TLE3: variants seen among roughly 807,000 people sequenced by gnomAD.
The protein encoded by TLE3 is TLE family member 3, transcriptional corepressor.
In TLE3, 14 loss-of-function variants were observed where a neutral mutation model predicts 93.0. The observed-to-expected ratio is 0.15, with a 90% CI of 0.10 to 0.24. The LOEUF (loss-of-function observed/expected upper bound fraction) is 0.24. TLE3 is among the 10% of genes least tolerant of loss of function. The pLI is 1.00. For missense variants in TLE3, 693 were observed against 1,046.6 expected, an observed-to-expected ratio of 0.66 and a Z score of 4.66; for synonymous variants, 451 against 425.0, an observed-to-expected ratio of 1.06 and a Z score of -0.75.
At position 70,050,164 on chromosome 15, in the gene TLE3, G is replaced by A. The variant is rs780171986; in HGVS notation, c.2243C>T (p.Ala748Val). ...SSSVLSCDISADDKYIVTGSG... is the reference protein window; with the variant it reads ...SSSVLSCDISVDDKYIVTGSG... ...GCCTGTTACAATGTATTTGTCATCC[G>A]CTGAAATGTCACAACTCAAGACAGA... The change falls in exon 20 of 20, where the codon GCG becomes GTG. Residue 748 changes from alanine (A) to valine (V), a missense_variant. Physicochemically the swap from Ala to Val is moderately conservative, Grantham distance 64. Coordinates refer to ENST00000451782, the MANE Select transcript of TLE3 (RefSeq NM_001105192.3). The A allele has an allele frequency of 1.4e-5, 23 of 1,613,954 alleles. No homozygotes were observed. The Middle Eastern group carries it at 6.6e-4, about 46-fold the overall frequency.
At chr15:70,081,192 T>C (rs1311740330) in intron 4 of TLE3, among the ~76,000 whole-genome samples, 3 of 152,238 alleles carry the variant, frequency 2.0e-5, no homozygotes, top group Non-Finnish European at 2.9e-5. Context: ...AATTTCGTTG[T>C]CTGCAAAATG....
chr15:70,081,079 G>A (rs1358680074), intron 4 of TLE3, among the ~76,000 whole-genome samples: 1 of 152,186 alleles, frequency 6.6e-6, no homozygotes, highest in Non-Finnish European at 1.5e-5. Flanking sequence ...CAAAGAGTGT[G>A]TTATGCTCCA....
In TLE3 at chr15:70,054,653, C is replaced by G. The variant is rs1439742740; in HGVS notation, c.1611G>C (p.Leu537=). The G allele has an allele frequency of 6.2e-7, 1 of 1,605,166 alleles. No individual in the cohort carries two copies. Among genetic ancestry groups the G allele is most frequent in the Non-Finnish European group, 8.5e-7 (1 of 1,173,890 alleles). The change falls in exon 16 of 20, where the codon CTG becomes CTC. Residue 537 remains leucine, a synonymous_variant. Coordinates refer to ENST00000451782, the MANE Select transcript of TLE3 (RefSeq NM_001105192.3). ...NRDNYIRSCK[L]LPDGRTLIVG... Reference sequence around the variant, plus strand: ...CGATGAGCGTGCGCCCATCAGGGAGCAGCTTGCAGGAGCGGATGTAATTGT... The same window carrying G: ...CGATGAGCGTGCGCCCATCAGGGAGGAGCTTGCAGGAGCGGATGTAATTGT...
At position 70,060,313 on chromosome 15, in the gene TLE3, C is replaced by T. The variant is rs541092527; in HGVS notation, c.714+217G>A. Among the ~76,000 whole-genome samples, 23 of 152,312 alleles carry T rather than the reference C, an allele frequency of 1.5e-4. 2 individuals are homozygous for T. In the South Asian group the frequency reaches 4.4e-3, roughly 29 times the overall value. ...AGGCTAGGACGACCTCCCCATCCAC[C>T]TCCGCCCCACAGTGGCTCGCATGCT... On this transcript the variant is annotated intron_variant, in intron 9 of 19. Transcript: ENST00000451782.
At chr15:70,054,285 G>A (rs532829329) in intron 16 of TLE3, 153 bp downstream of exon 16, 2 of 1,104,148 alleles carry the variant, frequency 1.8e-6, no homozygotes, top group African/African-American at 3.1e-5. Context: ...AAGGCAGGCG[G>A]AGCTGTCTTT....
chr15:70,062,419 G>A (rs913664540), intron 8 of TLE3, among the ~76,000 whole-genome samples: 2 of 152,292 alleles, frequency 1.3e-5, no homozygotes, highest in South Asian at 2.1e-4. Context: ...GTTTCTCCTC[G>A]CGACCCGGTG....
At position 70,096,169 on chromosome 15, in the gene TLE3, C is replaced by G. The variant is rs919278878; in HGVS notation, c.117G>C (p.Gln39His). The G allele has an allele frequency of 6.4e-7, 1 of 1,556,448 alleles. No homozygotes were observed. The highest frequency in any genetic ancestry group is 1.9e-5 in the Admixed American group (1 of 51,750). The part of the protein sequence containing the change: ...IKDEFQFLQA[Q>H]YHSLKVEYDK... Reference sequence around the variant, plus strand: ...GCCCCCACCGGCCTTACCTGTGATACTGAGCTTGCAGGAACTGGAATTCGT... The same window carrying G: ...GCCCCCACCGGCCTTACCTGTGATAGTGAGCTTGCAGGAACTGGAATTCGT... Residue 39 changes from glutamine to histidine, a missense_variant, in exon 2 of 20, where the codon CAG (glutamine) becomes CAC (histidine). By Grantham distance (24) the Gln-to-His change is conservative. This residue lies in a region of TLE3 where 104 missense variants were observed against 173.8 expected (regional missense o/e 0.60). Coordinates refer to ENST00000451782, the MANE Select transcript of TLE3 (RefSeq NM_001105192.3).
chr15:70,061,041 T>G (rs1036858342), intron 8 of TLE3, among the ~76,000 whole-genome samples: 14 of 152,258 alleles, frequency 9.2e-5, no homozygotes, highest in African/African-American at 3.4e-4. Context: ...TAAGTGGAAT[T>G]TGCACTGAGT....
Position 70,050,004 on chromosome 15 carries a change from C to T in TLE3, c.*93G>A. 3 of 1,070,414 alleles carry T rather than the reference C, an allele frequency of 2.8e-6. No homozygotes were observed. The highest frequency in any genetic ancestry group is 3.6e-5 in the Admixed American group (2 of 55,692). 66.3% of individuals were successfully genotyped at this position (1,070,414 alleles called of 1,614,324 possible). Reference sequence around the variant, plus strand: ...AACGCTCGGCTGCCTGCGGCCCATCCTCCGCCATCCTCGGGGCCCCTCGCC... The same window carrying T: ...AACGCTCGGCTGCCTGCGGCCCATCTTCCGCCATCCTCGGGGCCCCTCGCC... On this transcript the variant is annotated 3_prime_UTR_variant, in exon 20 of 20. Transcript: ENST00000451782.
At chr15:70,051,126 C>T (rs928030053) in intron 19 of TLE3, 3 of 334,982 alleles carry the variant, frequency 9.0e-6, no homozygotes. Flanking sequence ...TCTCCAAATC[C>T]GACAAGCGCC....
chr15:70,055,577 T>G, intron 14 of TLE3: 1 of 375,128 alleles, frequency 2.7e-6, no homozygotes, highest in East Asian at 4.2e-5. Context: ...TTTCCCACGA[T>G]CCATACATTC....
chr15:70,082,360 G>A (rs987287283), intron 4 of TLE3, among the ~76,000 whole-genome samples: 1 of 152,118 alleles, frequency 6.6e-6, no homozygotes, highest in African/African-American at 2.4e-5. Context: ...AAAAGCTGGG[G>A]TGGGGTTCTC....
intron 4 of TLE3, among the ~76,000 whole-genome samples, chr15:70,093,519 C>T (rs1419002132): frequency 6.6e-6 from 1 of 152,244 alleles, no homozygotes; most frequent in African/African-American, 2.4e-5. Context: ...GAGTCAACAG[C>T]CTTCTGAGAT....
intron 5 of TLE3, among the ~76,000 whole-genome samples, chr15:70,074,815 G>A (rs2057362382): frequency 6.6e-6 from 1 of 152,218 alleles, no homozygotes; most frequent in South Asian, 2.1e-4. Context: ...TATTAGTTTT[G>A]TAATTGAAAC....
intron 1 of TLE3, chr15:70,096,534 G>C: frequency 1.5e-6 from 2 of 1,349,838 alleles, no homozygotes; most frequent in Non-Finnish European, 2.0e-6. Flanking sequence ...AGACTTCAGA[G>C]CGGGGCCGGG....
chr15:70,096,243 G>C lies in TLE3; in HGVS notation c.43C>G (p.Gln15Glu). Reference sequence around the variant, plus strand: ...GCCACCGTGAATTTAAATCCCGGCTGCCCGGGTTGATGGGGAGCCTGGAGC... The same window carrying C: ...GCCACCGTGAATTTAAATCCCGGCTCCCCGGGTTGATGGGGAGCCTGGAGC... The part of the protein sequence containing the change: ...GRHPAPHQPG[Q>E]PGFKFTVAES... Residue 15 changes from glutamine (Q) to glutamate (E), a missense_variant, in exon 2 of 20, where the codon CAG becomes GAG. Gln to Glu is a conservative substitution (Grantham distance 29). This residue lies in a region of TLE3 where 31 missense variants were observed against 24.0 expected (regional missense o/e 1.29). Transcript: ENST00000451782. 6.4e-7 allele frequency: 1 copy of C among 1,555,204 alleles called. No homozygotes were observed. Among genetic ancestry groups the C allele is most frequent in the Non-Finnish European group, 8.7e-7 (1 of 1,149,184 alleles).
At position 70,056,037 on chromosome 15, in the gene TLE3, C is replaced by A. The variant is rs1271491930; in HGVS notation, c.1328+261G>T. ...GTGAGGAGTGTTCCTTCTCTCCCAGCCCAGTGGCCATGTACTTAGCTAACT... is the reference window on the plus strand; with the variant it reads ...GTGAGGAGTGTTCCTTCTCTCCCAGACCAGTGGCCATGTACTTAGCTAACT... On this transcript the variant is annotated intron_variant, in intron 14 of 19. Transcript: ENST00000451782. 1.6e-5 allele frequency: 9 copies of A among 559,634 alleles called. No homozygotes were observed. The African/African-American group carries it at 1.7e-4, about 11-fold the overall frequency. 34.7% of individuals were successfully genotyped at this position (559,634 alleles called of 1,614,324 possible).
At chr15:70,078,736 G>A (rs1331120029) in intron 4 of TLE3, among the ~76,000 whole-genome samples, 2 of 152,212 alleles carry the variant, frequency 1.3e-5, no homozygotes, top group Non-Finnish European at 2.9e-5. Flanking sequence ...CCACCTAGAT[G>A]GGTCCCTGGC....
intron 17 of TLE3, 68 bp from the exon 18 acceptor site, chr15:70,052,592 C>A: frequency 6.5e-7 from 1 of 1,532,122 alleles, no homozygotes. Context: ...GGGCGGCTCC[C>A]AAAGGTGCTG....
Sources: allele counts gnomAD v4.1 joint callset (sites outside exome capture counted in the v4.1 genomes callset), GRCh38; gene constraint gnomAD v4.1.1; regional missense constraint gnomAD v4.1.1; transcripts MANE v1.5; gene names NCBI Gene and HGNC (gene_info 2026-07-23, HGNC 2026-07-21).